Variants in SHLD3 observed in about 807,000 individuals in gnomAD.
SHLD3 encodes REV7-interacting novel NHEJ regulator 1.
SHLD3 carries 15 observed loss-of-function variants against 21.4 expected under a neutral mutation model. The observed-to-expected ratio is 0.70, with a 90% CI of 0.47 to 1.08. SHLD3 has a LOEUF of 1.08. Ranked by LOEUF, SHLD3 falls within the 50% of genes least tolerant of loss-of-function variation. SHLD3 has a pLI of 0.00. For synonymous variants in SHLD3, 103 were observed against 97.2 expected, an observed-to-expected ratio of 1.06 and a Z score of -0.35; for missense variants, 273 against 286.1, an observed-to-expected ratio of 0.95 and a Z score of 0.33.
rs1400353332 is a variant in SHLD3 at position 65,630,829 on chromosome 5, T to G, written c.*489T>G. The G allele has an allele frequency of 3.3e-6, 1 of 299,986 alleles. No individual in the cohort carries two copies. The highest frequency in any genetic ancestry group is 2.3e-5 in the African/African-American group (1 of 44,370). 18.6% of individuals were successfully genotyped at this position (299,986 alleles called of 1,614,324 possible). ...GCTGTTTTCAAACAACGATACAAAA[T>G]GTATACTTTGCCTAAAACGATAATG... On this transcript the variant is annotated 3_prime_UTR_variant, in exon 2 of 2. Transcript: ENST00000510585.
Position 65,629,731 on chromosome 5 carries a change from G to A in SHLD3, c.144G>A (p.Lys48=). Residue 48 remains lysine, a synonymous_variant, in exon 2 of 2, where the codon AAG becomes AAA. Coordinates refer to ENST00000510585, the MANE Select transcript of SHLD3 (RefSeq NM_001365341.2). Reference sequence around the variant, plus strand: ...CTTGGTTTCCATATGATGGGTCCAAGCTTCCACTCAGACCTAAAAGATCAC... The same window carrying A: ...CTTGGTTTCCATATGATGGGTCCAAACTTCCACTCAGACCTAAAAGATCAC... The part of the protein sequence containing the change: ...FIPWFPYDGS[K]LPLRPKRSPP... The A allele has an allele frequency of 2.0e-6, 3 of 1,536,068 alleles. No individual in the cohort carries two copies. Among genetic ancestry groups the A allele is most frequent in the Non-Finnish European group, 2.6e-6 (3 of 1,146,892 alleles).
Position 65,630,561 on chromosome 5 carries a change from C to T in SHLD3, c.*221C>T. On this transcript the variant is annotated 3_prime_UTR_variant, in exon 2 of 2. Coordinates refer to ENST00000510585, the MANE Select transcript of SHLD3 (RefSeq NM_001365341.2). ...AATTTGAAGGTAAAAATGTTCTGTT[C>T]CTTTTGTTACAAACTGTGATTGAAT... The T allele has an allele frequency of 8.3e-7, 1 of 1,200,088 alleles. No homozygotes were observed. Among genetic ancestry groups the T allele is most frequent in the Non-Finnish European group, 1.0e-6 (1 of 966,974 alleles). The allele number at this position is 1,200,088 out of a possible 1,614,324, so 74.3% of individuals were successfully genotyped here.
chr5:65,625,057 C>T lies in SHLD3; in HGVS notation c.-170C>T. ...TAGGCTGTGGGTCAAAAGTGCCGGT[C>T]AAAATGGAAGTGAATCCCCCTAAAC... On this transcript the variant is annotated 5_prime_UTR_variant, in exon 1 of 2. Transcript: ENST00000510585. 1 of 1,613,510 alleles carries T rather than the reference C, an allele frequency of 6.2e-7. No homozygotes were observed. Among genetic ancestry groups the T allele is most frequent in the Non-Finnish European group, 8.5e-7 (1 of 1,179,490 alleles).
intron 1 of SHLD3, among the ~76,000 whole-genome samples, 159 bp from the exon 2 acceptor site, chr5:65,629,309 A>G (rs16894136): frequency 0.033 from 4,994 of 152,174 alleles, 275 homozygotes; most frequent in African/African-American, 0.11. Flanking sequence ...AAGAGAAAGA[A>G]TTTTCAGGTT....
rs1755508062 is a variant in SHLD3, at chr5:65,630,679, T to A, written c.*339T>A. The stretch of plus-strand genomic sequence containing the variant: ...TTTCCTTACCTCAAGTGTAATTTTT[T>A]AAAAAATAAAACTCGAAACAATTCT... On this transcript the variant is annotated 3_prime_UTR_variant, in exon 2 of 2. Coordinates refer to ENST00000510585, the MANE Select transcript of SHLD3 (RefSeq NM_001365341.2). 2.0e-6 allele frequency: 2 copies of A among 1,000,402 alleles called. No homozygotes were observed. Among genetic ancestry groups the A allele is most frequent in the African/African-American group, 1.7e-5 (1 of 57,798 alleles). 62.0% of individuals were successfully genotyped at this position (1,000,402 alleles called of 1,614,324 possible). A position where few individuals can be genotyped will look rare whatever the true frequency, so the allele number is the denominator to read the frequency against.
rs975951064 is a variant in SHLD3 at position 65,630,838 on chromosome 5, T to A, written c.*498T>A. 3.8e-6 allele frequency: 1 copy of A among 261,160 alleles called. No individual in the cohort carries two copies. The highest frequency in any genetic ancestry group is 6.4e-5 in the Admixed American group (1 of 15,506). The allele number at this position is 261,160 out of a possible 1,614,324, so 16.2% of individuals were successfully genotyped here. ...AAACAACGATACAAAATGTATACTTTGCCTAAAACGATAATGTATCCTGTT... is the reference window on the plus strand; with the variant it reads ...AAACAACGATACAAAATGTATACTTAGCCTAAAACGATAATGTATCCTGTT... On this transcript the variant is annotated 3_prime_UTR_variant, in exon 2 of 2. Coordinates refer to ENST00000510585, the MANE Select transcript of SHLD3 (RefSeq NM_001365341.2).
intron 1 of SHLD3, among the ~76,000 whole-genome samples, chr5:65,629,168 A>G (rs953569102): frequency 6.6e-6 from 1 of 152,210 alleles, no homozygotes; most frequent in African/African-American, 2.4e-5. Context: ...TTTTAAGACT[A>G]TTATTACTTA....
At chr5:65,625,778 A>C (rs1391456770) in intron 1 of SHLD3, 1 of 151,986 alleles carries the variant, frequency 6.6e-6, no homozygotes, top group African/African-American at 2.4e-5. Flanking sequence ...AAATCTTTTC[A>C]GCTTTATTTT....
chr5:65,629,530 T>C lies in SHLD3; in HGVS notation c.-58T>C. Reference sequence around the variant, plus strand: ...TGCAATAATAAATTAACATTCTAGCTCTGAGGAGTTCAACTAAGAAATTTT... The same window carrying C: ...TGCAATAATAAATTAACATTCTAGCCCTGAGGAGTTCAACTAAGAAATTTT... On this transcript the variant is annotated 5_prime_UTR_variant, in exon 2 of 2. Coordinates refer to ENST00000510585, the MANE Select transcript of SHLD3 (RefSeq NM_001365341.2). 4.8e-6 allele frequency: 7 copies of C among 1,467,610 alleles called. No individual in the cohort carries two copies. The highest frequency in any genetic ancestry group is 6.3e-6 in the Non-Finnish European group (7 of 1,115,540). The allele number at this position is 1,467,610 out of a possible 1,614,324, so 90.9% of individuals were successfully genotyped here. A position where few individuals can be genotyped will look rare whatever the true frequency, so the allele number is the denominator to read the frequency against.
Position 65,630,611 on chromosome 5 carries a change from T to TA in SHLD3, c.*271_*272insA. Reference sequence around the variant, plus strand: ...TTAGTCATGAATTAAGTTGTATAGTTTGGATTTTGGTTAATCTCTAAAATC... The same window carrying TA: ...TTAGTCATGAATTAAGTTGTATAGTTATGGATTTTGGTTAATCTCTAAAATC... On this transcript the variant is annotated 3_prime_UTR_variant, in exon 2 of 2. Transcript: ENST00000510585. 9.3e-7 allele frequency: 1 copy of TA among 1,074,822 alleles called. No individual in the cohort carries two copies. Among genetic ancestry groups the TA allele is most frequent in the Non-Finnish European group, 1.1e-6 (1 of 888,000 alleles). The allele number at this position is 1,074,822 out of a possible 1,614,324, so 66.6% of individuals were successfully genotyped here.
Position 65,625,090 on chromosome 5 carries a change from C to T in SHLD3, c.-137C>T, listed in dbSNP as rs1384464528. 8 of 1,613,774 alleles carry T rather than the reference C, an allele frequency of 5.0e-6. No homozygotes were observed. Among genetic ancestry groups the T allele is most frequent in the African/African-American group, 2.7e-5 (2 of 75,016 alleles). ...AAGTGAATCCCCCTAAACAGGAGCACCTGCTGGCGCTAAAAGGTAAACTTT... is the reference window on the plus strand; with the variant it reads ...AAGTGAATCCCCCTAAACAGGAGCATCTGCTGGCGCTAAAAGGTAAACTTT... On this transcript the variant is annotated 5_prime_UTR_variant, in exon 1 of 2. Transcript: ENST00000510585.
At chr5:65,625,977 G>T (rs1755207645) in intron 1 of SHLD3, 1 of 152,164 alleles carries the variant, frequency 6.6e-6, no homozygotes, top group Admixed American at 6.5e-5. Flanking sequence ...GTAGTCATCA[G>T]ACTTTCTAGA....
intron 1 of SHLD3, chr5:65,625,385 C>G: frequency 2.4e-6 from 1 of 415,242 alleles, no homozygotes; most frequent in South Asian, 4.8e-5. Flanking sequence ...CCGCTCCTAC[C>G]GTGGAGATCT....
rs569796975 is a variant in SHLD3 at position 65,627,291 on chromosome 5, G to A, written c.-120-2177G>A. Among the ~76,000 whole-genome samples the A allele has an allele frequency of 3.3e-5, 5 of 152,134 alleles. No homozygotes were observed. The East Asian group carries it at 9.7e-4, about 29-fold the overall frequency. On this transcript the variant is annotated intron_variant, in intron 1 of 1. Transcript: ENST00000510585. ...CAACAATTTTCACACATTTCAATGT[G>A]CTGATGCTGAATGCCAAATGTATTA...
At position 65,630,003 on chromosome 5, in the gene SHLD3, A is replaced by G. The variant is rs764490566; in HGVS notation, c.416A>G (p.Asn139Ser). 5.2e-6 allele frequency: 8 copies of G among 1,535,924 alleles called. No individual in the cohort carries two copies. The highest frequency in any genetic ancestry group is 3.6e-5 in the South Asian group (3 of 84,064). The change falls in exon 2 of 2, where the codon AAT becomes AGT. Residue 139 changes from asparagine to serine, a missense_variant. By Grantham distance (46) the Asn-to-Ser change is conservative. Transcript: ENST00000510585. ...TCTTGGAGTATTTCCCTTCCCAGCA[A>G]TAATTGTACTAAAAACGTTTCTCCT... ...RRSWSISLPS[N>S]NCTKNVSPLS...
Position 65,630,047 on chromosome 5 carries a change from G to C in SHLD3, c.460G>C (p.Asp154His). Reference protein sequence around the residue: ...NVSPLSKKLQDSLKALNLHSL... With the variant: ...NVSPLSKKLQHSLKALNLHSL... Reference sequence around the variant, plus strand: ...TTCTCCTTTGTCTAAAAAATTGCAAGATAGTTTAAAGGCACTAAATTTACA... The same window carrying C: ...TTCTCCTTTGTCTAAAAAATTGCAACATAGTTTAAAGGCACTAAATTTACA... The change falls in exon 2 of 2, where the codon GAT (aspartate) becomes CAT (histidine). Residue 154 changes from aspartate (D) to histidine (H), a missense_variant. Transcript: ENST00000510585. 2.0e-6 allele frequency: 3 copies of C among 1,536,062 alleles called. No homozygotes were observed. Among genetic ancestry groups the C allele is most frequent in the South Asian group, 2.4e-5 (2 of 84,066 alleles).
chr5:65,628,439 T>C (rs1031911010), intron 1 of SHLD3, among the ~76,000 whole-genome samples: 1 of 152,088 alleles, frequency 6.6e-6, no homozygotes, highest in African/African-American at 2.4e-5. Context: ...TATCTATATA[T>C]TTGTTTGGTG....
intron 1 of SHLD3, among the ~76,000 whole-genome samples, chr5:65,625,704 ACAG>A (rs1216166724): frequency 6.6e-6 from 1 of 152,176 alleles, no homozygotes; most frequent in African/African-American, 2.4e-5. Context: ...TTAGGAAAAA[ACAG>A]CAGCACTTTT....
intron 1 of SHLD3, chr5:65,626,255 A>T (rs1291423918): frequency 1.3e-5 from 2 of 152,212 alleles, no homozygotes; most frequent in African/African-American, 2.4e-5. Flanking sequence ...CTTTTCCAAG[A>T]TCACATAGCT....
Sources: gnomAD v4.1 joint callset for allele counts (sites outside exome capture counted in the v4.1 genomes callset) on GRCh38, gnomAD v4.1.1 for gene constraint, MANE v1.5 for transcripts, NCBI Gene and HGNC (gene_info 2026-07-23, HGNC 2026-07-21) for gene names.